The following SPIDR variants were observed in gnomAD, a reference collection of about 807,000 sequenced individuals.
SPIDR encodes DNA repair-scaffolding protein.
In SPIDR, 93 loss-of-function variants were observed where a neutral mutation model predicts 104.6. The observed-to-expected ratio is 0.89, with a 90% CI of 0.75 to 1.06. The LOEUF is 1.06. SPIDR is among the 50% of genes least tolerant of loss of function. The pLI is 0.00. For missense variants in SPIDR, 1,154 were observed against 1,111.2 expected (o/e 1.04, Z -0.55); for synonymous variants, 431 against 416.9 (o/e 1.03, Z -0.41).
chr8:47,542,782 T>C (rs537356041), intron 8 of SPIDR, among the ~76,000 whole-genome samples: 3 of 152,304 alleles, frequency 2.0e-5, no homozygotes, highest in East Asian at 3.9e-4. Flanking sequence ...GTAGTCAAGA[T>C]ATAATAGTTT....
chr8:47,420,001 C>T (rs2154333235), intron 7 of SPIDR, among the ~76,000 whole-genome samples: 1 of 152,222 alleles, frequency 6.6e-6, no homozygotes, highest in East Asian at 1.9e-4. Flanking sequence ...AATTTCTGTT[C>T]TTTTACATTT....
intron 3 of SPIDR, among the ~76,000 whole-genome samples, chr8:47,284,509 G>A (rs925922806): frequency 5.9e-5 from 9 of 152,138 alleles, no homozygotes; most frequent in African/African-American, 2.2e-4. Flanking sequence ...ATGAATTAGG[G>A]AACTTTCAAT....
intron 10 of SPIDR, among the ~76,000 whole-genome samples, chr8:47,623,463 C>A (rs573012891): frequency 6.6e-6 from 1 of 152,224 alleles, no homozygotes; most frequent in African/African-American, 2.4e-5. Flanking sequence ...AGAGTCAAGA[C>A]CCATCAGTGT....
intron 5 of SPIDR, among the ~76,000 whole-genome samples, chr8:47,323,321 C>T (rs1473537866): frequency 1.3e-5 from 2 of 152,128 alleles, no homozygotes; most frequent in Non-Finnish European, 2.9e-5. Context: ...AAGTAGTTGT[C>T]ATATAATTCT....
Position 47,735,577 on chromosome 8 carries a change from T to TA in SPIDR, c.*128dup, listed in dbSNP as rs1333873939. 3.9e-6 allele frequency: 6 copies of TA among 1,523,144 alleles called. No homozygotes were observed. Among genetic ancestry groups the TA allele is most frequent in the Non-Finnish European group, 5.3e-6 (6 of 1,129,546 alleles). 94.4% of individuals were successfully genotyped at this position (1,523,144 alleles called of 1,614,324 possible). On this transcript the variant is annotated 3_prime_UTR_variant, in exon 20 of 20. Transcript: ENST00000297423. Reference sequence around the variant, plus strand: ...TAGTTTACGATCTTGAAATGAAACTTAGATTTTTCTGGGGAAATGTTCAGA... The same window carrying TA: ...TAGTTTACGATCTTGAAATGAAACTTAAGATTTTTCTGGGGAAATGTTCAGA...
rs530259137 is a variant in SPIDR at position 47,687,629 on chromosome 8, A to G, written c.1686-12774A>G. ...AGTGAATAAATAAAGCTCACTCATT[A>G]AGCCACCACTGTAATTCAATAAACA... On this transcript the variant is annotated intron_variant, in intron 11 of 19. Transcript: ENST00000297423. Among the ~76,000 whole-genome samples the G allele has an allele frequency of 1.9e-3, 291 of 152,380 alleles. 1 individual carries two copies. Among genetic ancestry groups the G allele is most frequent in the Admixed American group, 3.0e-3 (46 of 15,314 alleles).
intron 8 of SPIDR, among the ~76,000 whole-genome samples, chr8:47,482,310 C>T (rs2076985187): frequency 6.6e-6 from 1 of 152,136 alleles, no homozygotes. Flanking sequence ...TGGGGTGTGC[C>T]TATAGTCCCA....
intron 8 of SPIDR, among the ~76,000 whole-genome samples, chr8:47,591,290 A>G (rs1257307231): frequency 5.3e-5 from 8 of 150,436 alleles, no homozygotes; most frequent in African/African-American, 1.5e-4. Context: ...TTTGGTGTAT[A>G]TCTCTTTTTA....
At chr8:47,724,485 C>T (rs567484728) in intron 16 of SPIDR, among the ~76,000 whole-genome samples, 2 of 152,304 alleles carry the variant, frequency 1.3e-5, no homozygotes, top group South Asian at 2.1e-4. Context: ...ATCTCAGCAC[C>T]TCAGATTTGC....
At chr8:47,423,254 G>A (rs1242495379) in intron 7 of SPIDR, among the ~76,000 whole-genome samples, 8 of 149,826 alleles carry the variant, frequency 5.3e-5, no homozygotes, top group Admixed American at 2.0e-4. Context: ...CCGAGATTAC[G>A]CCACCACACT....
chr8:47,408,895 A>G (rs926184473), intron 7 of SPIDR, among the ~76,000 whole-genome samples: 2 of 152,176 alleles, frequency 1.3e-5, no homozygotes, highest in Middle Eastern at 3.2e-3. Context: ...ATCAAAAAGA[A>G]TGAAATTCGG....
At chr8:47,526,932 C>A (rs1471896426) in intron 8 of SPIDR, among the ~76,000 whole-genome samples, 1 of 152,128 alleles carries the variant, frequency 6.6e-6, no homozygotes, top group Non-Finnish European at 1.5e-5. Flanking sequence ...AGCAAAAGAC[C>A]TGAAGGGGAC....
intron 8 of SPIDR, among the ~76,000 whole-genome samples, chr8:47,551,151 G>A (rs566130310): frequency 3.3e-5 from 5 of 152,292 alleles, no homozygotes; most frequent in African/African-American, 1.2e-4. Flanking sequence ...GCTTTTTGAT[G>A]TGCTGCTGGA....
At chr8:47,392,804 T>G (rs1554653210) in intron 5 of SPIDR, among the ~76,000 whole-genome samples, 2 of 152,244 alleles carry the variant, frequency 1.3e-5, no homozygotes, top group Admixed American at 1.3e-4. Flanking sequence ...ATCCAAACTT[T>G]CTAAAACAAA....
chr8:47,529,522 AT>A (rs1247175643), intron 8 of SPIDR, among the ~76,000 whole-genome samples: 3 of 152,282 alleles, frequency 2.0e-5, no homozygotes, highest in East Asian at 3.9e-4. Flanking sequence ...TGACAAAAAA[AT>A]AAAACACTAG....
chr8:47,711,851 C>A (rs2081941100), intron 14 of SPIDR, among the ~76,000 whole-genome samples: 1 of 152,196 alleles, frequency 6.6e-6, no homozygotes, highest in Non-Finnish European at 1.5e-5. Flanking sequence ...ATATAATCAA[C>A]CTCCTGACAA....
rs1476068956 is a variant in SPIDR at position 47,274,706 on chromosome 8, A to C, written c.34-5156A>C. On this transcript the variant is annotated intron_variant, in intron 1 of 19. Transcript: ENST00000297423. ...AATTTTCTGCCTCAGCCTCCTGAGT[A>C]GCTGTGATTACAGGCACCGCGACCA... is the stretch of plus-strand genomic sequence containing the variant. Among the ~76,000 whole-genome samples the C allele has an allele frequency of 2.6e-5, 4 of 151,434 alleles. No homozygotes were observed. In the East Asian group the frequency reaches 7.9e-4, roughly 30 times the overall value.
chr8:47,474,221 C>T (rs543774954), intron 8 of SPIDR, among the ~76,000 whole-genome samples: 9 of 152,072 alleles, frequency 5.9e-5, no homozygotes, highest in East Asian at 1.9e-4. Flanking sequence ...TATATTTGAC[C>T]GTGAATCCTC....
At chr8:47,450,449 T>C (rs2071497081) in intron 8 of SPIDR, among the ~76,000 whole-genome samples, 1 of 152,094 alleles carries the variant, frequency 6.6e-6, no homozygotes, top group Non-Finnish European at 1.5e-5. Context: ...GGAAATTAGG[T>C]TTCCAATGCA....
Sources: gnomAD v4.1 joint callset for allele counts (sites outside exome capture counted in the v4.1 genomes callset) on GRCh38, gnomAD v4.1.1 for gene constraint, MANE v1.5 for transcripts, NCBI Gene and HGNC (gene_info 2026-07-23, HGNC 2026-07-21) for gene names.